WDR27: variants seen among roughly 807,000 people sequenced by gnomAD.
The protein encoded by WDR27 is WD repeat-containing protein 27.
A neutral mutation model predicts 114.4 loss-of-function variants in WDR27; 100 were observed. That is an observed-to-expected ratio of 0.87 (90% confidence interval 0.74 to 1.03). The LOEUF (loss-of-function observed/expected upper bound fraction) is 1.03, where lower values mean the gene tolerates loss of function less well. WDR27 is among the 50% of genes least tolerant of loss of function. WDR27 has a pLI of 0.00. For synonymous variants in WDR27, 449 were observed against 423.1 expected, an observed-to-expected ratio of 1.06 and a Z score of -0.75; for missense variants, 1,129 against 1,092.9, an observed-to-expected ratio of 1.03 and a Z score of -0.47.
At chr6:169,626,462 G>A (rs1477257213) in intron 21 of WDR27, among the ~76,000 whole-genome samples, 1 of 152,118 alleles carries the variant, frequency 6.6e-6, no homozygotes, top group Non-Finnish European at 1.5e-5. Flanking sequence ...GGGGGGTCAG[G>A]TCCAGGCCCC....
chr6:169,502,525 A>C (rs1169732514), intron 25 of WDR27, among the ~76,000 whole-genome samples: 1 of 152,234 alleles, frequency 6.6e-6, no homozygotes, highest in Non-Finnish European at 1.5e-5. Context: ...AAGATCAAGT[A>C]GCAAAGGGCT....
intron 23 of WDR27, among the ~76,000 whole-genome samples, chr6:169,591,867 T>C (rs1314425890): frequency 1.3e-5 from 2 of 151,454 alleles, no homozygotes; most frequent in African/African-American, 2.4e-5. Context: ...CTTTTCTCTT[T>C]GGCACAAGAT....
Position 169,528,678 on chromosome 6 carries a change from C to G in WDR27, c.2645+43741G>C, listed in dbSNP as rs147781961. Among the ~76,000 whole-genome samples the G allele has an allele frequency of 1.4e-3, 214 of 152,290 alleles. 2 individuals carry two copies. Among genetic ancestry groups the G allele is most frequent in the African/African-American group, 4.8e-3 (201 of 41,554 alleles). On this transcript the variant is annotated intron_variant, in intron 25 of 25. Transcript: ENST00000448612. ...AATAGCTGGGATTACAGGCATGGGCCAACAGGCCTGGCTAATTTTTATATT... is the reference window on the plus strand; with the variant it reads ...AATAGCTGGGATTACAGGCATGGGCGAACAGGCCTGGCTAATTTTTATATT...
At position 169,494,163 on chromosome 6, in the gene WDR27, G is replaced by A. The variant is rs1051975870; in HGVS notation, c.2646-36529C>T. ...CTTCTCAAACACCATTGTGGATACGGCTATGAGGGTGTTTTTGATGAGATT... is the reference window on the plus strand; with the variant it reads ...CTTCTCAAACACCATTGTGGATACGACTATGAGGGTGTTTTTGATGAGATT... On this transcript the variant is annotated intron_variant, in intron 25 of 25. Coordinates refer to ENST00000448612, the MANE Select transcript of WDR27 (RefSeq NM_182552.5). Among the ~76,000 whole-genome samples the A allele has an allele frequency of 2.0e-5, 3 of 152,136 alleles. No individual in the cohort carries two copies. In the East Asian group the frequency reaches 5.8e-4, roughly 29 times the overall value.
Position 169,630,653 on chromosome 6 carries a change from TG to T in WDR27, c.2223+2293del, listed in dbSNP as rs200276655. Among the ~76,000 whole-genome samples, 320 of 152,268 alleles carry T rather than the reference TG, an allele frequency of 2.1e-3. 4 individuals carry two copies. The East Asian group carries it at 0.032, about 15-fold the overall frequency. On this transcript the variant is annotated intron_variant, in intron 21 of 25. Transcript: ENST00000448612. ...GCTCACGCCTGTAATCCCAGCACTT[TG>T]GGAGGCCGAGGCGGGCGGATCACAA...
intron 23 of WDR27, among the ~76,000 whole-genome samples, chr6:169,595,829 T>C (rs1243830007): frequency 1.3e-5 from 2 of 151,520 alleles, no homozygotes; most frequent in East Asian, 1.9e-4. Flanking sequence ...CACCATTCAG[T>C]TCTGGCATAT....
rs114272067 is a variant in WDR27 at position 169,517,030 on chromosome 6, T to G, written c.2645+55389A>C. Among the ~76,000 whole-genome samples, 1,423 of 152,206 alleles carry G rather than the reference T, an allele frequency of 9.3e-3. 23 individuals are homozygous for G. The highest frequency in any genetic ancestry group is 0.033 in the African/African-American group (1,358 of 41,518). On this transcript the variant is annotated intron_variant, in intron 25 of 25. Transcript: ENST00000448612. ...GTAGAATGATGTAGTTTGGATTTCA[T>G]GTTGAAATGTAATCTCCAATGTTGG... is the stretch of plus-strand genomic sequence containing the variant.
chr6:169,453,613 C>G (rs1461164283), downstream of WDR27, among the ~76,000 whole-genome samples: 4 of 152,330 alleles, frequency 2.6e-5, no homozygotes, highest in African/African-American at 9.6e-5. Flanking sequence ...CTAATTTCTA[C>G]TGACCAGTCA....
chr6:169,554,291 A>C (rs1798574142), intron 25 of WDR27, among the ~76,000 whole-genome samples: 1 of 152,150 alleles, frequency 6.6e-6, no homozygotes, highest in Non-Finnish European at 1.5e-5. Flanking sequence ...AGTCGGGCAC[A>C]AGTGCCTACC....
chr6:169,618,303 A>C (rs1011494671), intron 21 of WDR27, among the ~76,000 whole-genome samples: 2 of 152,208 alleles, frequency 1.3e-5, no homozygotes, highest in African/African-American at 4.8e-5. Context: ...TTATATCACA[A>C]AATAGTACAT....
intron 15 of WDR27, among the ~76,000 whole-genome samples, chr6:169,648,920 A>T (rs1326986346): frequency 6.6e-6 from 1 of 152,238 alleles, no homozygotes; most frequent in African/African-American, 2.4e-5. Flanking sequence ...GACAGGGAGG[A>T]GCATCGGCTA....
At chr6:169,680,614 T>TA (rs1781258443) in intron 2 of WDR27, among the ~76,000 whole-genome samples, 2 of 152,216 alleles carry the variant, frequency 1.3e-5, no homozygotes, top group Non-Finnish European at 1.5e-5. Flanking sequence ...TCTTATTGTT[T>TA]AAATATCTTT....
At chr6:169,700,167 C>A (rs1449045770) in intron 1 of WDR27, among the ~76,000 whole-genome samples, 3 of 152,192 alleles carry the variant, frequency 2.0e-5, no homozygotes, top group Non-Finnish European at 2.9e-5. Context: ...TTAACCACTG[C>A]ATTTTAGTGG....
At chr6:169,446,424 A>C in the WDR27 span, among the ~76,000 whole-genome samples, 1 of 152,200 alleles carries the variant, frequency 6.6e-6, no homozygotes, top group African/African-American at 2.4e-5. Flanking sequence ...GGGGCCGGGC[A>C]CAAGGCGAGG....
intron 1 of WDR27, among the ~76,000 whole-genome samples, chr6:169,701,147 T>C (rs755537917): frequency 4.6e-5 from 7 of 152,178 alleles, no homozygotes; most frequent in Non-Finnish European, 8.8e-5. Flanking sequence ...AATTTAGAAA[T>C]ACATAAAAAG....
At position 169,659,542 on chromosome 6, in the gene WDR27, A is replaced by C. The variant is rs1360158442; in HGVS notation, c.1130-24T>G. ...ATCTTCAGTTGAGCGAAGACCAGGA[A>C]GAACATGATGGGGAGGGAGGTAGCA... On this transcript the variant is annotated intron_variant, in intron 10 of 25. Transcript: ENST00000448612. This position sits in a 1 kb window ranked among gnomAD's most constrained non-coding sequence, Gnocchi z 4.3. 1 of 1,598,402 alleles carries C rather than the reference A, an allele frequency of 6.3e-7. No homozygotes were observed.
At chr6:169,427,590 C>T in the WDR27 span, among the ~76,000 whole-genome samples, 1 of 152,150 alleles carries the variant, frequency 6.6e-6, no homozygotes, top group Non-Finnish European at 1.5e-5. Flanking sequence ...GGTGTCTTTC[C>T]CAGTAATGTC....
At chr6:169,696,302 T>C (rs1443522210) in intron 1 of WDR27, among the ~76,000 whole-genome samples, 2 of 152,050 alleles carry the variant, frequency 1.3e-5, no homozygotes, top group African/African-American at 2.4e-5. Context: ...TGCTAGGAGA[T>C]CTTGGGAAGA....
chr6:169,636,529 G>A (rs1189715874), intron 18 of WDR27, 25 bp from the exon 19 acceptor site: 1 of 1,576,408 alleles, frequency 6.3e-7, no homozygotes, highest in African/African-American at 1.4e-5. Flanking sequence ...AGTAATTACT[G>A]TCAATATAAT....
Sources: allele counts gnomAD v4.1 joint callset (sites outside exome capture counted in the v4.1 genomes callset), GRCh38; gene constraint gnomAD v4.1.1; non-coding constraint Gnocchi (gnomAD v3.1); transcripts MANE v1.5; gene names NCBI Gene and HGNC (gene_info 2026-07-23, HGNC 2026-07-21).